The following NT5DC3 variants were observed in gnomAD, a reference collection of about 807,000 sequenced individuals.
NT5DC3 encodes the protein 5'-nucleotidase domain containing 3, also known as 5'-nucleotidase domain-containing protein 3.
Under a neutral mutation model 67.8 loss-of-function variants are expected in NT5DC3, and 42 were observed. The ratio of observed to expected loss-of-function variants is 0.62; its 90% CI spans 0.48 to 0.80. The LOEUF is 0.80. Among genes scored for constraint, NT5DC3 ranks in the 30% least tolerant of loss-of-function variants. The pLI, the probability that NT5DC3 is intolerant of heterozygous loss-of-function variation, is 0.00. For missense variants in NT5DC3, 570 were observed against 696.4 expected (o/e 0.82, Z 2.04); for synonymous variants, 237 against 255.6 (o/e 0.93, Z 0.69).
downstream of NT5DC3, among the ~76,000 whole-genome samples, chr12:103,770,193 A>C (rs1885149818): frequency 6.6e-6 from 1 of 152,252 alleles, no homozygotes; most frequent in Non-Finnish European, 1.5e-5. Flanking sequence ...TCTTTAAGGA[A>C]GTATGCTTAG....
chr12:103,793,585 G>T, intron 7 of NT5DC3, 73 bp from the exon 8 acceptor site: 3 of 1,109,816 alleles, frequency 2.7e-6, no homozygotes, highest in South Asian at 2.6e-5. Context: ...TTCTAAATGG[G>T]GGTTTGGGTC....
At chr12:103,831,858 C>A (rs1887945351) in intron 1 of NT5DC3, among the ~76,000 whole-genome samples, 1 of 147,766 alleles carries the variant, frequency 6.8e-6, no homozygotes, top group South Asian at 2.2e-4. Context: ...TCACTGCAAC[C>A]TTCACTTCCC....
chr12:103,746,657 C>A, the NT5DC3 span: 6 of 1,613,982 alleles, frequency 3.7e-6, no homozygotes, highest in African/African-American at 1.3e-5. Context: ...GAGAACAACA[C>A]GTGTGAGTGT....
intron 6 of NT5DC3, 102 bp downstream of exon 6, chr12:103,796,792 T>C (rs556330591): frequency 1.7e-6 from 2 of 1,186,296 alleles, no homozygotes; most frequent in African/African-American, 1.5e-5. Flanking sequence ...GCTAAGAGAC[T>C]ATTTAAAACA....
chr12:103,762,360 C>T, the NT5DC3 span: 2 of 1,614,240 alleles, frequency 1.2e-6, no homozygotes, highest in Non-Finnish European at 1.7e-6. Flanking sequence ...CTTACTCCTA[C>T]TTTCGGATAA....
chr12:103,768,016 A>G (rs1885058291), downstream of NT5DC3, among the ~76,000 whole-genome samples: 1 of 148,264 alleles, frequency 6.7e-6, no homozygotes, highest in African/African-American at 2.5e-5. Context: ...TGAACCCAGG[A>G]GGCAGAGGTT....
chr12:103,751,899 T>G, the NT5DC3 span, among the ~76,000 whole-genome samples: 1 of 152,142 alleles, frequency 6.6e-6, no homozygotes, highest in Non-Finnish European at 1.5e-5. Flanking sequence ...AGCTGTGTGG[T>G]TACCATTAGC....
intron 12 of NT5DC3, among the ~76,000 whole-genome samples, chr12:103,780,715 C>A (rs1438153841): frequency 6.6e-6 from 1 of 152,114 alleles, no homozygotes; most frequent in East Asian, 1.9e-4. Flanking sequence ...ATGATACATC[C>A]ATTACACATA....
Position 103,777,707 on chromosome 12 carries a change from A to C in NT5DC3, c.*122T>G. 2.6e-6 allele frequency: 3 copies of C among 1,172,108 alleles called. No homozygotes were observed. The highest frequency in any genetic ancestry group is 3.6e-6 in the Non-Finnish European group (3 of 827,650). 72.6% of individuals were successfully genotyped at this position (1,172,108 alleles called of 1,614,324 possible). A position where few individuals can be genotyped will look rare whatever the true frequency, so the allele number is the denominator to read the frequency against. On this transcript the variant is annotated 3_prime_UTR_variant, in exon 14 of 14. Transcript: ENST00000392876. ...GGGAGAATTATTCTCCGTAAGGTAC[A>C]AAATAAATATCAAAAGGCTTATCTG...
At chr12:103,757,952 T>A in the NT5DC3 span, 1 of 610,580 alleles carries the variant, frequency 1.6e-6, no homozygotes, top group Non-Finnish European at 2.8e-6. Context: ...GGATGGGCTG[T>A]GACGTGGCTG....
chr12:103,829,976 G>A (rs1323306918), intron 1 of NT5DC3, among the ~76,000 whole-genome samples: 1 of 152,004 alleles, frequency 6.6e-6, no homozygotes, highest in Non-Finnish European at 1.5e-5. Flanking sequence ...GCACTTTGAG[G>A]TGATCTACTG....
Position 103,785,448 on chromosome 12 carries a change from T to G in NT5DC3, c.1216A>C (p.Thr406Pro). The change falls in exon 12 of 14, where the codon ACT (threonine) becomes CCT (proline). Residue 406 changes from threonine (T) to proline (P), a missense_variant. Physicochemically the swap from Thr to Pro is conservative, Grantham distance 38. Transcript: ENST00000392876. ...CTCAACTCTGGGATGATTGCACCAG[T>G]CCTCCAGCCATGCTTTAGGGTCAAA... ...ADLTLKHGWR[T>P]GAIIPELRSE... The G allele has an allele frequency of 6.2e-7, 1 of 1,614,042 alleles. No individual in the cohort carries two copies. Among genetic ancestry groups the G allele is most frequent in the Non-Finnish European group, 8.5e-7 (1 of 1,179,970 alleles).
rs901852185 is a variant in NT5DC3, at chr12:103,775,770, T to C, written c.*2059A>G. The C allele has an allele frequency of 6.6e-6, 1 of 152,220 alleles. No homozygotes were observed. Among genetic ancestry groups the C allele is most frequent in the African/African-American group, 2.4e-5 (1 of 41,454 alleles). The allele number at this position is 152,220 out of a possible 1,614,324, so 9.4% of individuals were successfully genotyped here. ...ATCTAAAGGGTCACCTTCACCATTA[T>C]AGTTAAATACAGCCAAATATCACAA... On this transcript the variant is annotated 3_prime_UTR_variant, in exon 14 of 14. Transcript: ENST00000392876.
chr12:103,757,951 G>A, the NT5DC3 span: 1 of 609,276 alleles, frequency 1.6e-6, no homozygotes, highest in Non-Finnish European at 2.8e-6. Flanking sequence ...AGGATGGGCT[G>A]TGACGTGGCT....
chr12:103,825,444 C>T (rs191666029), intron 1 of NT5DC3, among the ~76,000 whole-genome samples: 6 of 152,110 alleles, frequency 3.9e-5, no homozygotes, highest in South Asian at 2.1e-4. Flanking sequence ...AAAAAATCAA[C>T]GGAACTGATC....
At chr12:103,831,926 G>T (rs1887949860) in intron 1 of NT5DC3, among the ~76,000 whole-genome samples, 1 of 151,882 alleles carries the variant, frequency 6.6e-6, no homozygotes, top group African/African-American at 2.4e-5. Context: ...ACAGGCTCAT[G>T]CCACCTCGTC....
intron 12 of NT5DC3, among the ~76,000 whole-genome samples, chr12:103,780,945 T>G (rs961139790): frequency 6.6e-6 from 1 of 151,992 alleles, no homozygotes; most frequent in Non-Finnish European, 1.5e-5. Context: ...AACCTTTTAA[T>G]TTAATATTAT....
intron 3 of NT5DC3, 137 bp from the exon 4 acceptor site, chr12:103,806,514 G>T (rs1886806876): frequency 1.5e-6 from 1 of 673,200 alleles, no homozygotes; most frequent in Non-Finnish European, 2.6e-6. Flanking sequence ...TTCCTGAAAG[G>T]GTTGCTTGTT....
At chr12:103,799,586 G>C (rs535331266) in intron 4 of NT5DC3, among the ~76,000 whole-genome samples, 7 of 151,976 alleles carry the variant, frequency 4.6e-5, no homozygotes, top group Non-Finnish European at 1.0e-4. Flanking sequence ...ACCCAGTCTC[G>C]GGTATGTGAG....
Sources: gnomAD v4.1 joint callset for allele counts (sites outside exome capture counted in the v4.1 genomes callset) on GRCh38, gnomAD v4.1.1 for gene constraint, MANE v1.5 for transcripts, NCBI Gene and HGNC (gene_info 2026-07-23, HGNC 2026-07-21) for gene names.